The following NHLRC2 variants were observed in gnomAD, a reference collection of about 807,000 sequenced individuals.
The protein encoded by NHLRC2 is NHL repeat-containing protein 2.
A neutral mutation model predicts 68.1 loss-of-function variants in NHLRC2; 33 were observed. The observed-to-expected ratio is 0.48, with a 90% CI of 0.37 to 0.65. NHLRC2 has a LOEUF of 0.65. NHLRC2 is among the 30% of genes least tolerant of loss of function. The probability of loss-of-function intolerance (pLI) is 0.00; values close to 1 mark genes in which losing one functional copy is unlikely to be tolerated. For synonymous variants in NHLRC2, 311 were observed against 309.6 expected (o/e 1.00, Z -0.05); for missense variants, 761 against 853.8 (o/e 0.89, Z 1.35).
chr10:113,880,717 T>A (rs931227424), intron 4 of NHLRC2, among the ~76,000 whole-genome samples: 3 of 152,002 alleles, frequency 2.0e-5, no homozygotes, highest in Non-Finnish European at 2.9e-5. Flanking sequence ...TTTTGTCTAC[T>A]ACTGAATCCT....
In NHLRC2 at chr10:113,915,471, G is replaced by A. The variant is rs1052512836; in HGVS notation, c.*6935G>A. On this transcript the variant is annotated 3_prime_UTR_variant, in exon 11 of 11. Transcript: ENST00000369301. ...TTTTTAATGTTGAAAACTTCCAAGT[G>A]TGAATAATACGGACATAGTTTACTA... The A allele has an allele frequency of 5.8e-6, 2 of 344,646 alleles. No individual in the cohort carries two copies. Among genetic ancestry groups the A allele is most frequent in the African/African-American group, 4.3e-5 (2 of 46,458 alleles). 21.3% of individuals were successfully genotyped at this position (344,646 alleles called of 1,614,324 possible). A position where few individuals can be genotyped will look rare whatever the true frequency, so the allele number is the denominator to read the frequency against.
rs774245870 is a variant in NHLRC2 at position 113,914,421 on chromosome 10, G to C, written c.*5885G>C. ...GACCTCAGGTGATCTGCCTGCCTTGGCCTTCCAAAGTGCTGGGATTACAGG... is the reference window on the plus strand; with the variant it reads ...GACCTCAGGTGATCTGCCTGCCTTGCCCTTCCAAAGTGCTGGGATTACAGG... On this transcript the variant is annotated 3_prime_UTR_variant, in exon 11 of 11. Coordinates refer to ENST00000369301, the MANE Select transcript of NHLRC2 (RefSeq NM_198514.4). 6.5e-6 allele frequency: 1 copy of C among 153,184 alleles called. No homozygotes were observed. The allele number at this position is 153,184 out of a possible 1,614,324, so 9.5% of individuals were successfully genotyped here. A position where few individuals can be genotyped will look rare whatever the true frequency, so the allele number is the denominator to read the frequency against.
rs1846373366 is a variant in NHLRC2 at position 113,915,375 on chromosome 10, C to T, written c.*6839C>T. On this transcript the variant is annotated 3_prime_UTR_variant, in exon 11 of 11. Transcript: ENST00000369301. ...GTCAGGGCATGGTATGAATTCCTTC[C>T]TCTTTAAGCAGCAACTTACCACAGG... 1 of 376,968 alleles carries T rather than the reference C, an allele frequency of 2.7e-6. No homozygotes were observed. The highest frequency in any genetic ancestry group is 2.1e-5 in the African/African-American group (1 of 47,330). The allele number at this position is 376,968 out of a possible 1,614,324, so 23.4% of individuals were successfully genotyped here.
At position 113,872,776 on chromosome 10, in the gene NHLRC2, A is replaced by AAG. The variant is rs397710542; in HGVS notation, c.332-3745_332-3744insAG. On this transcript the variant is annotated intron_variant, in intron 2 of 10. Transcript: ENST00000369301. Reference sequence around the variant, plus strand: ...GAAAATGAGCTAAAAAAAAAAAAAAAGTTAAAAGGTTTAGAGAAAAAAATG... The same window carrying AAG: ...GAAAATGAGCTAAAAAAAAAAAAAAAAGGTTAAAAGGTTTAGAGAAAAAAATG... Among the ~76,000 whole-genome samples, 4 of 151,020 alleles carry AAG rather than the reference A, an allele frequency of 2.6e-5. No individual in the cohort carries two copies. In the East Asian group the frequency reaches 7.8e-4, roughly 29 times the overall value.
chr10:113,891,790 G>A (rs565799201), intron 5 of NHLRC2, among the ~76,000 whole-genome samples: 2 of 152,314 alleles, frequency 1.3e-5, no homozygotes, highest in African/African-American at 4.8e-5. Flanking sequence ...GATGTTCTCT[G>A]TTGTTCAGCC....
intron 2 of NHLRC2, among the ~76,000 whole-genome samples, chr10:113,860,501 A>G (rs1292696991): frequency 1.3e-5 from 2 of 152,186 alleles, no homozygotes; most frequent in East Asian, 3.8e-4. Flanking sequence ...CAAAGCATAC[A>G]CAAAGAACAG....
intron 5 of NHLRC2, among the ~76,000 whole-genome samples, chr10:113,894,573 T>G (rs1193618225): frequency 1.3e-5 from 2 of 152,140 alleles, no homozygotes; most frequent in Admixed American, 6.5e-5. Flanking sequence ...TTCTTTTTCC[T>G]TCTTTGTTGC....
intron 5 of NHLRC2, among the ~76,000 whole-genome samples, chr10:113,893,833 C>T (rs1259849313): frequency 1.3e-5 from 2 of 152,212 alleles, no homozygotes; most frequent in Non-Finnish European, 2.9e-5. Context: ...TTTGCCAAGA[C>T]AGAGGCTCTA....
At chr10:113,876,432 A>G in intron 2 of NHLRC2, 89 bp from the exon 3 acceptor site, 1 of 720,522 alleles carries the variant, frequency 1.4e-6, no homozygotes, top group South Asian at 2.4e-5. Flanking sequence ...ATGGACTTTT[A>G]ATATTTGTGA....
intron 2 of NHLRC2, among the ~76,000 whole-genome samples, chr10:113,875,465 G>A (rs1845970090): frequency 6.6e-6 from 1 of 152,174 alleles, no homozygotes; most frequent in Non-Finnish European, 1.5e-5. Context: ...TCTTGGGCTA[G>A]AGTTGCAGTG....
At chr10:113,900,671 A>G (rs1846219743) in intron 6 of NHLRC2, among the ~76,000 whole-genome samples, 1 of 152,232 alleles carries the variant, frequency 6.6e-6, no homozygotes, top group African/African-American at 2.4e-5. Flanking sequence ...CCTTTCAATT[A>G]ATTTGTTCAG....
rs1430148968 is a variant in NHLRC2 at position 113,912,549 on chromosome 10, C to T, written c.*4013C>T. 6.6e-6 allele frequency: 1 copy of T among 152,204 alleles called. No homozygotes were observed. The highest frequency in any genetic ancestry group is 1.5e-5 in the Non-Finnish European group (1 of 68,048). 9.4% of individuals were successfully genotyped at this position (152,204 alleles called of 1,614,324 possible). ...TGCTTTGAGAGGGTCCAGACATACT[C>T]ATCCTGAACCACATTCCTACAACAT... On this transcript the variant is annotated 3_prime_UTR_variant, in exon 11 of 11. Coordinates refer to ENST00000369301, the MANE Select transcript of NHLRC2 (RefSeq NM_198514.4).
At position 113,855,066 on chromosome 10, in the gene NHLRC2, C is replaced by T. The variant is rs1033645202; in HGVS notation, c.178+16C>T. ...TTTCCGGAAGGTGAGGGGCTGGCGT[C>T]GGGGTGGGGGCCCCTCCCGGCACCT... On this transcript the variant is annotated intron_variant, in intron 1 of 10. Transcript: ENST00000369301. 8 of 1,548,806 alleles carry T rather than the reference C, an allele frequency of 5.2e-6. No individual in the cohort carries two copies. Among genetic ancestry groups the T allele is most frequent in the African/African-American group, 2.7e-5 (2 of 72,972 alleles).
In NHLRC2 at chr10:113,884,363, T is replaced by C; in HGVS notation, c.1022T>C (p.Val341Ala). ...CAACCCATTAGTTCCCCTTGGGATGTAGTTTTTGGAACATCAGGTATGTGA... is the reference window on the plus strand; with the variant it reads ...CAACCCATTAGTTCCCCTTGGGATGCAGTTTTTGGAACATCAGGTATGTGA... ...EQQPISSPWDVVFGTSGSEVQ... is the reference protein window; with the variant it reads ...EQQPISSPWDAVFGTSGSEVQ... Residue 341 changes from valine (V) to alanine (A), a missense_variant, in exon 5 of 11, where the codon GTA (valine) becomes GCA (alanine). Val to Ala is a moderately conservative substitution (Grantham distance 64, BLOSUM62 0). Transcript: ENST00000369301. The C allele has an allele frequency of 1.2e-6, 2 of 1,609,526 alleles. No homozygotes were observed. Among genetic ancestry groups the C allele is most frequent in the Non-Finnish European group, 8.5e-7 (1 of 1,176,816 alleles).
intron 2 of NHLRC2, among the ~76,000 whole-genome samples, chr10:113,872,159 T>A (rs948861016): frequency 1.3e-5 from 2 of 151,988 alleles, no homozygotes; most frequent in Non-Finnish European, 2.9e-5. Flanking sequence ...GAAGCATTGC[T>A]CCTGGGAGAT....
chr10:113,904,133 A>G (rs1846253439), intron 9 of NHLRC2, among the ~76,000 whole-genome samples: 2 of 150,046 alleles, frequency 1.3e-5, no homozygotes, highest in South Asian at 2.1e-4. Context: ...TTAGATTAAC[A>G]TGTAACCTTT....
At chr10:113,866,479 C>A (rs1165958793) in intron 2 of NHLRC2, among the ~76,000 whole-genome samples, 1 of 151,972 alleles carries the variant, frequency 6.6e-6, no homozygotes, top group Middle Eastern at 3.2e-3. Flanking sequence ...AAGAAAACTT[C>A]TATTAGGAAA....
rs1306005325 is a variant in NHLRC2 at position 113,879,582 on chromosome 10, C to A, written c.796C>A (p.Pro266Thr). The A allele has an allele frequency of 8.7e-6, 14 of 1,600,848 alleles. No individual in the cohort carries two copies. The highest frequency in any genetic ancestry group is 1.2e-5 in the Non-Finnish European group (14 of 1,174,098). Residue 266 changes from proline to threonine, a missense_variant, in exon 4 of 11, where the codon CCT (proline) becomes ACT (threonine). Pro to Thr is a conservative substitution (Grantham distance 38). Transcript: ENST00000369301. Reference sequence around the variant, plus strand: ...ATTTTATCTTATTTTAGGACCCAACCCTGGAAGAAAAGATGGAATATTTTC... The same window carrying A: ...ATTTTATCTTATTTTAGGACCCAACACTGGAAGAAAAGATGGAATATTTTC... ...QIQYSIGGPN[P>T]GRKDGIFSES...
At chr10:113,877,000 T>C (rs1845989811) in intron 3 of NHLRC2, 24 bp downstream of exon 3, 1 of 1,367,244 alleles carries the variant, frequency 7.3e-7, no homozygotes, top group Non-Finnish European at 1.0e-6. Flanking sequence ...CTGATTACGA[T>C]AGATAACGTG....
Sources: allele counts gnomAD v4.1 joint callset (sites outside exome capture counted in the v4.1 genomes callset), GRCh38; gene constraint gnomAD v4.1.1; transcripts MANE v1.5; gene names NCBI Gene and HGNC (gene_info 2026-07-23, HGNC 2026-07-21).